VAMP7: variants seen among roughly 807,000 people sequenced by gnomAD.
VAMP7 encodes the protein vesicle-associated membrane protein 7.
A neutral mutation model predicts 29.6 loss-of-function variants in VAMP7; 14 were observed. The observed-to-expected ratio is 0.47, with a 90% confidence interval of 0.31 to 0.74. VAMP7 has a LOEUF of 0.74. Ranked by LOEUF, VAMP7 falls within the 30% of genes least tolerant of loss-of-function variation. The pLI is 0.05. For synonymous variants in VAMP7, 95 were observed against 88.1 expected (o/e 1.08, Z -0.44); for missense variants, 223 against 262.4 (o/e 0.85, Z 1.04).
chrX:155,927,470 C>G (rs1205553649), intron 6 of VAMP7, among the ~76,000 whole-genome samples: 1 of 136,338 alleles, frequency 7.3e-6, no homozygotes, highest in Non-Finnish European at 1.5e-5. Flanking sequence ...TTCCACAGAC[C>G]TTCGATTTGC....
At chrX:155,898,335 CA>C in intron 4 of VAMP7, 86 bp downstream of exon 4, 1 of 1,477,272 alleles carries the variant, frequency 6.8e-7, no homozygotes, top group African/African-American at 1.4e-5. Context: ...CCCTGACCTG[CA>C]ATATAGTTTT....
At chrX:155,933,294 G>A (rs1010171731) in intron 6 of VAMP7, among the ~76,000 whole-genome samples, 1 of 152,132 alleles carries the variant, frequency 6.6e-6, no homozygotes, top group Admixed American at 6.5e-5. Context: ...GCTCCTCCTT[G>A]TACCTCTGGT....
chrX:155,919,982 GT>G (rs200039134), intron 6 of VAMP7, 102 bp downstream of exon 6: 29 of 958,448 alleles, frequency 3.0e-5, no homozygotes, highest in Admixed American at 4.9e-5. Context: ...ATATTTGGTG[GT>G]TTTTTTTTCT....
At chrX:155,889,338 A>G in intron 1 of VAMP7, 120 bp from the exon 2 acceptor site, 2 of 1,367,978 alleles carry the variant, frequency 1.5e-6, no homozygotes, top group South Asian at 1.5e-5. Flanking sequence ...GTTAAGTTTC[A>G]TGTTATAGTG....
intron 5 of VAMP7, among the ~76,000 whole-genome samples, chrX:155,911,176 C>G (rs753949199): frequency 6.6e-6 from 1 of 152,236 alleles, no homozygotes; most frequent in East Asian, 1.9e-4. Context: ...TTCCCAATAC[C>G]ATTTATTGAA....
At chrX:155,932,351 T>G (rs756554172) in intron 6 of VAMP7, among the ~76,000 whole-genome samples, 2 of 152,348 alleles carry the variant, frequency 1.3e-5, no homozygotes, top group East Asian at 3.9e-4. Flanking sequence ...CATGGAATGT[T>G]CTTCCATTTG....
intron 6 of VAMP7, 59 bp from the exon 7 acceptor site, chrX:155,939,642 A>T: frequency 8.4e-7 from 1 of 1,191,640 alleles, no homozygotes; most frequent in Admixed American, 1.7e-5. Flanking sequence ...TCAGGTTGTT[A>T]CTGCAAATCA....
chrX:155,936,291 C>G (rs976161336), intron 6 of VAMP7, among the ~76,000 whole-genome samples: 5 of 152,178 alleles, frequency 3.3e-5, no homozygotes, highest in African/African-American at 9.7e-5. Context: ...TGCCCTGCCC[C>G]CAGAGGTGGA....
In VAMP7 at chrX:155,941,908, C is replaced by T; in HGVS notation, c.620C>T (p.Pro207Leu). 1.9e-6 allele frequency: 3 copies of T among 1,613,620 alleles called. No individual in the cohort carries two copies. The highest frequency in any genetic ancestry group is 2.5e-6 in the Non-Finnish European group (3 of 1,179,764). The change falls in exon 8 of 8, where the codon CCT (proline) becomes CTT (leucine). Residue 207 changes from proline (P) to leucine (L), a missense_variant. Transcript: ENST00000286448. ...SIVFIYIIVSPLCGGFTWPSC... is the reference protein window; with the variant it reads ...SIVFIYIIVSLLCGGFTWPSC... The stretch of plus-strand genomic sequence containing the variant: ...GTGTTCATCTATATCATTGTTTCAC[C>T]TCTCTGTGGTGGATTTACATGGCCA...
intron 1 of VAMP7, among the ~76,000 whole-genome samples, chrX:155,882,561 C>T (rs1242949945): frequency 2.0e-5 from 3 of 152,132 alleles, no homozygotes; most frequent in Admixed American, 6.5e-5. Flanking sequence ...TCTATCTCCT[C>T]CAAGGTTATT....
chrX:155,889,512 G>A lies in VAMP7; in HGVS notation c.46G>A (p.Ala16Thr). 1 of 1,613,878 alleles carries A rather than the reference G, an allele frequency of 6.2e-7. No individual in the cohort carries two copies. The highest frequency in any genetic ancestry group is 8.5e-7 in the Non-Finnish European group (1 of 1,179,828). Residue 16 changes from alanine to threonine, a missense_variant, in exon 2 of 8, where the codon GCC (alanine) becomes ACC (threonine). Ala to Thr is a moderately conservative substitution (Grantham distance 58). Transcript: ENST00000286448. ...TGTTGCCAGGGGGACCACTATCCTT[G>A]CCAAACATGCTTGGTGTGGAGGAAA... ...AVVARGTTILAKHAWCGGNFL... is the reference protein window; with the variant it reads ...AVVARGTTILTKHAWCGGNFL...
intron 5 of VAMP7, among the ~76,000 whole-genome samples, chrX:155,910,101 C>T (rs1347779422): frequency 2.0e-5 from 3 of 152,160 alleles, no homozygotes; most frequent in African/African-American, 7.2e-5. Flanking sequence ...CCCTGCTCGG[C>T]CCCACATACC....
At chrX:155,929,306 T>G (rs185538954) in intron 6 of VAMP7, among the ~76,000 whole-genome samples, 1 of 152,340 alleles carries the variant, frequency 6.6e-6, no homozygotes, top group East Asian at 1.9e-4. Context: ...AGAGGCAGTA[T>G]CTAATTTGTT....
chrX:155,893,090 G>T (rs930921649), intron 2 of VAMP7, among the ~76,000 whole-genome samples: 3 of 152,108 alleles, frequency 2.0e-5, no homozygotes, highest in Admixed American at 2.0e-4. Context: ...GTTTATTTCT[G>T]TACCCTGACT....
At chrX:155,890,057 C>T (rs1318577122) in intron 2 of VAMP7, among the ~76,000 whole-genome samples, 2 of 151,722 alleles carry the variant, frequency 1.3e-5, no homozygotes, top group African/African-American at 4.8e-5. Flanking sequence ...GTCAAATCCA[C>T]GATGTCAAGG....
intron 7 of VAMP7, among the ~76,000 whole-genome samples, chrX:155,941,416 A>G (rs2066741819): frequency 6.6e-6 from 1 of 152,180 alleles, no homozygotes; most frequent in South Asian, 2.1e-4. Flanking sequence ...GTTCTTGCTC[A>G]TAAGTGATAT....
intron 6 of VAMP7, among the ~76,000 whole-genome samples, chrX:155,934,383 C>T (rs2066613953): frequency 2.6e-5 from 4 of 152,112 alleles, no homozygotes; most frequent in Middle Eastern, 3.2e-3. Flanking sequence ...TCTGGGTCCT[C>T]CTGTATTGGG....
chrX:155,898,947 A>G (rs1602932495), intron 4 of VAMP7, among the ~76,000 whole-genome samples: 1 of 152,066 alleles, frequency 6.6e-6, no homozygotes, highest in African/African-American at 2.4e-5. Context: ...AAGGCTCTTG[A>G]TATTCTTCCA....
At chrX:155,886,249 G>T (rs1348702606) in intron 1 of VAMP7, among the ~76,000 whole-genome samples, 2 of 152,102 alleles carry the variant, frequency 1.3e-5, no homozygotes, top group Non-Finnish European at 2.9e-5. Context: ...AATTGTTTCT[G>T]TTATCCCAAT....
Sources: gnomAD v4.1 joint callset for allele counts (sites outside exome capture counted in the v4.1 genomes callset) on GRCh38, gnomAD v4.1.1 for gene constraint, MANE v1.5 for transcripts, NCBI Gene and HGNC (gene_info 2026-07-23, HGNC 2026-07-21) for gene names.